Variants in SUPV3L1 observed in about 807,000 individuals in gnomAD.
SUPV3L1 encodes the protein ATP-dependent RNA helicase SUPV3L1, mitochondrial.
In SUPV3L1, 35 loss-of-function variants were observed where a neutral mutation model predicts 70.0. The observed-to-expected ratio is 0.50, with a 90% confidence interval of 0.38 to 0.66. The LOEUF is 0.66. Among genes scored for constraint, SUPV3L1 ranks in the 30% least tolerant of loss-of-function variants. SUPV3L1 has a pLI of 0.00. For synonymous variants in SUPV3L1, 364 were observed against 341.9 expected (o/e 1.06, Z -0.71); for missense variants, 777 against 961.5 (o/e 0.81, Z 2.54).
Position 69,207,953 on chromosome 10 carries a change from T to C in SUPV3L1, c.1925+12T>C. 5 of 1,610,174 alleles carry C rather than the reference T, an allele frequency of 3.1e-6. No homozygotes were observed. The highest frequency in any genetic ancestry group is 4.2e-6 in the Non-Finnish European group (5 of 1,178,234). On this transcript the variant is annotated intron_variant, in intron 14 of 14. Coordinates refer to ENST00000359655, the MANE Select transcript of SUPV3L1 (RefSeq NM_003171.5). ...TACTTGTGGCTAAGGTACCAACATT[T>C]TTCCTTTATGTGCTCTCATTTTTCT... is the stretch of plus-strand genomic sequence containing the variant.
intron 1 of SUPV3L1, chr10:69,182,427 C>T (rs544558918): frequency 1.3e-6 from 1 of 759,984 alleles, no homozygotes; most frequent in Non-Finnish European, 1.6e-6. Context: ...AACAATTTTC[C>T]ATTATTTTAT....
chr10:69,208,011 T>C, intron 14 of SUPV3L1, 70 bp downstream of exon 14: 1 of 1,557,304 alleles, frequency 6.4e-7, no homozygotes, highest in Non-Finnish European at 8.7e-7. Context: ...ATGAATTTGT[T>C]TTTCTATTTC....
intron 10 of SUPV3L1, among the ~76,000 whole-genome samples, chr10:69,199,440 G>A (rs1842628634): frequency 6.6e-6 from 1 of 152,312 alleles, no homozygotes; most frequent in South Asian, 2.1e-4. Flanking sequence ...GGAGTGCAGT[G>A]ATCAAATTGT....
At chr10:69,195,598 A>T (rs1459288079) in intron 7 of SUPV3L1, among the ~76,000 whole-genome samples, 2 of 152,050 alleles carry the variant, frequency 1.3e-5, no homozygotes, top group Non-Finnish European at 2.9e-5. Flanking sequence ...TTAGTTTTGT[A>T]TCTTGCTGTT....
At chr10:69,184,565 C>T (rs549563888) in intron 1 of SUPV3L1, among the ~76,000 whole-genome samples, 33 of 151,124 alleles carry the variant, frequency 2.2e-4, no homozygotes, top group African/African-American at 7.0e-4. Flanking sequence ...TGTTCCTACC[C>T]GGCACAAAGT....
intron 1 of SUPV3L1, among the ~76,000 whole-genome samples, chr10:69,183,343 G>GATCC (rs1404876550): frequency 1.3e-5 from 2 of 152,080 alleles, no homozygotes; most frequent in Non-Finnish European, 2.9e-5. Context: ...ATATGCCTTT[G>GATCC]ATCCCTTCAT....
At chr10:69,203,536 C>CACCTGTAA (rs1169507089) in intron 13 of SUPV3L1, among the ~76,000 whole-genome samples, 1 of 151,382 alleles carries the variant, frequency 6.6e-6, no homozygotes, top group Non-Finnish European at 1.5e-5. Flanking sequence ...TGGTGGTGGG[C>CACCTGTAA]ACCTGTAATC....
rs1456435001 is a variant in SUPV3L1 at position 69,203,059 on chromosome 10, T to C, written c.1776+16T>C. The C allele has an allele frequency of 6.3e-7, 1 of 1,588,144 alleles. No homozygotes were observed. Among genetic ancestry groups the C allele is most frequent in the Admixed American group, 1.8e-5 (1 of 55,420 alleles). ...ACTGTTACAGGTAAGCCTTTATCTT[T>C]AAGCTATTTTGAGTTCCTTCTGGTT... is the stretch of plus-strand genomic sequence containing the variant. On this transcript the variant is annotated intron_variant, in intron 13 of 14. Coordinates refer to ENST00000359655, the MANE Select transcript of SUPV3L1 (RefSeq NM_003171.5).
Position 69,195,195 on chromosome 10 carries a change from G to A in SUPV3L1, c.861G>A (p.Val287=). Residue 287 remains valine (V), a synonymous_variant, in exon 7 of 15, where the codon GTG becomes GTA. Coordinates refer to ENST00000359655, the MANE Select transcript of SUPV3L1 (RefSeq NM_003171.5). ...EMCSVTTPYE[V]AVIDEIQMIR... ...TAACTTTTTTATTTTAAGATGAAGT[G>A]GCTGTAATTGATGAAATTCAAATGA... 6.2e-7 allele frequency: 1 copy of A among 1,611,988 alleles called. No individual in the cohort carries two copies. The highest frequency in any genetic ancestry group is 8.5e-7 in the Non-Finnish European group (1 of 1,179,106).
chr10:69,191,829 CAG>C (rs1321719199), intron 6 of SUPV3L1, 63 bp downstream of exon 6: 5 of 1,214,078 alleles, frequency 4.1e-6, no homozygotes, highest in African/African-American at 3.1e-5. Flanking sequence ...TTTTTCAAGA[CAG>C]AGTCTTGCTC....
At chr10:69,205,428 G>A (rs185317649) in intron 13 of SUPV3L1, among the ~76,000 whole-genome samples, 1 of 152,318 alleles carries the variant, frequency 6.6e-6, no homozygotes, top group African/African-American at 2.4e-5. Flanking sequence ...AGGCTGCAGT[G>A]CAGTGGCACA....
At chr10:69,195,443 A>G (rs377109122) in intron 7 of SUPV3L1, 178 bp downstream of exon 7, 31 of 415,772 alleles carry the variant, frequency 7.5e-5, no homozygotes, top group African/African-American at 6.1e-4. Flanking sequence ...TGGGAAATCT[A>G]TTTTTTCCTG....
At chr10:69,198,208 CTT>C (rs1842591999) in intron 8 of SUPV3L1, among the ~76,000 whole-genome samples, 162 bp from the exon 9 acceptor site, 2 of 152,108 alleles carry the variant, frequency 1.3e-5, no homozygotes, top group Non-Finnish European at 1.5e-5. Context: ...GATGGTAACA[CTT>C]ATAATATCAA....
At chr10:69,205,834 C>A (rs577730981) in intron 13 of SUPV3L1, among the ~76,000 whole-genome samples, 1 of 152,116 alleles carries the variant, frequency 6.6e-6, no homozygotes, top group Non-Finnish European at 1.5e-5. Context: ...CACACCCGGC[C>A]GCTCCGTGTG....
At position 69,191,749 on chromosome 10, in the gene SUPV3L1, G is replaced by T. The variant is rs757050054; in HGVS notation, c.836G>T (p.Cys279Phe). The T allele has an allele frequency of 1.2e-6, 2 of 1,612,778 alleles. No individual in the cohort carries two copies. Among genetic ancestry groups the T allele is most frequent in the East Asian group, 4.5e-5 (2 of 44,854 alleles). Reference sequence around the variant, plus strand: ...CATGTTTCTTGTACAGTTGAGATGTGCAGTGTTACAACTCCTTGTATGTAT... The same window carrying T: ...CATGTTTCTTGTACAGTTGAGATGTTCAGTGTTACAACTCCTTGTATGTAT... ...ASHVSCTVEM[C>F]SVTTPYEVAV... Residue 279 changes from cysteine (C) to phenylalanine (F), a missense_variant, in exon 6 of 15, where the codon TGC becomes TTC. Physicochemically the swap from Cys to Phe is radical, Grantham distance 205. Around this residue, in one of 2 missense-constraint regions of SUPV3L1, gnomAD observed 619 missense variants for 823.3 expected, o/e 0.75. Transcript: ENST00000359655.
chr10:69,184,071 T>C (rs1315364327), intron 1 of SUPV3L1, among the ~76,000 whole-genome samples: 1 of 152,166 alleles, frequency 6.6e-6, no homozygotes, highest in Non-Finnish European at 1.5e-5. Flanking sequence ...ATGAATCTTA[T>C]ATAACACCGT....
rs1842024758 is a variant in SUPV3L1, at chr10:69,180,543, A to G, written c.252A>G (p.Leu84=). The G allele has an allele frequency of 6.2e-7, 1 of 1,613,990 alleles. No individual in the cohort carries two copies. The highest frequency in any genetic ancestry group is 1.3e-5 in the African/African-American group (1 of 74,938). ...CCGACGGCGACGTCGGGGCCGAGCT[A>G]ACCCGGCCTCTGGACAAGAGTGAGT... ...PSADGDVGAE[L]TRPLDKNEVK... Residue 84 remains leucine (L), a synonymous_variant, in exon 1 of 15, where the codon CTA becomes CTG. Coordinates refer to ENST00000359655, the MANE Select transcript of SUPV3L1 (RefSeq NM_003171.5).
At chr10:69,185,929 T>C in intron 1 of SUPV3L1, 58 bp from the exon 2 acceptor site, 1 of 1,379,110 alleles carries the variant, frequency 7.3e-7, no homozygotes, top group Non-Finnish European at 1.0e-6. Context: ...TTTCTTTTGC[T>C]TTTTTTCAGC....
chr10:69,199,927 T>C (rs1842641401), intron 10 of SUPV3L1, among the ~76,000 whole-genome samples: 1 of 152,074 alleles, frequency 6.6e-6, no homozygotes, highest in Non-Finnish European at 1.5e-5. Context: ...TCACCGCAGC[T>C]TCAAACTCCT....
Sources: gnomAD v4.1 joint callset for allele counts (sites outside exome capture counted in the v4.1 genomes callset) on GRCh38, gnomAD v4.1.1 for gene constraint, gnomAD v4.1.1 regional missense constraint, MANE v1.5 for transcripts, NCBI Gene and HGNC (gene_info 2026-07-23, HGNC 2026-07-21) for gene names.